The following ZNF483 variants were observed in gnomAD, a reference collection of about 807,000 sequenced individuals.
ZNF483 encodes zinc finger protein HIT-10.
In ZNF483, 9 loss-of-function variants were observed where a neutral mutation model predicts 28.6. The ratio of observed to expected loss-of-function variants is 0.32; its 90% CI spans 0.19 to 0.55. The LOEUF (loss-of-function observed/expected upper bound fraction) is 0.55. Among genes scored for constraint, ZNF483 ranks in the 20% least tolerant of loss-of-function variants. The probability of loss-of-function intolerance (pLI) is 0.93; values close to 1 mark genes in which losing one functional copy is unlikely to be tolerated. For synonymous variants in ZNF483, 322 were observed against 306.2 expected (o/e 1.05, Z -0.54); for missense variants, 675 against 871.7 (o/e 0.77, Z 2.84).
chr9:111,538,394 G>A (rs182128049), intron 5 of ZNF483, among the ~76,000 whole-genome samples: 4 of 151,816 alleles, frequency 2.6e-5, no homozygotes, highest in African/African-American at 7.2e-5. Context: ...GTGTGCCGTG[G>A]TGAGAGGATT....
At position 111,547,012 on chromosome 9, in the gene ZNF483, A is replaced by G. The variant is rs540597731; in HGVS notation, c.*3842A>G. Among the ~76,000 whole-genome samples, 20 of 152,330 alleles carry G rather than the reference A, an allele frequency of 1.3e-4. No homozygotes were observed. The South Asian group carries it at 3.9e-3, about 30-fold the overall frequency. On this transcript the variant is annotated 3_prime_UTR_variant, in exon 6 of 6. Transcript: ENST00000309235. The stretch of plus-strand genomic sequence containing the variant: ...GTTCGGCCGTGTTGTAGCACATATC[A>G]GAATTTAATTCCTTTTTAAGGCTGA...
At position 111,563,513 on chromosome 9, in the gene ZNF483, T is replaced by C. The variant is rs534333846; in HGVS notation, c.722-12852T>C. 4.6e-5 allele frequency: 10 copies of C among 217,140 alleles called. No individual in the cohort carries two copies. In the East Asian group the frequency reaches 8.1e-4, roughly 18 times the overall value. 13.5% of individuals were successfully genotyped at this position (217,140 alleles called of 1,614,324 possible). On this transcript the variant is annotated intron_variant, in intron 5 of 5. Transcript: ENST00000358151. ...TTAAGCAATCTCTTTTTCTTTCTTT[T>C]TTTTTTTTTTGAGACAGAGTCTCGC...
Position 111,542,090 on chromosome 9 carries a change from G to C in ZNF483, c.1155G>C (p.Leu385Phe), listed in dbSNP as rs1460934741. The C allele has an allele frequency of 1.2e-6, 2 of 1,614,054 alleles. No homozygotes were observed. The highest frequency in any genetic ancestry group is 1.7e-6 in the Non-Finnish European group (2 of 1,180,016). Residue 385 changes from leucine to phenylalanine, a missense_variant, in exon 6 of 6, where the codon TTG becomes TTC. Physicochemically the swap from Leu to Phe is conservative, Grantham distance 22 (BLOSUM62 0). Around this residue, in one of 6 missense-constraint regions of ZNF483, gnomAD observed 525 missense variants for 581.8 expected, o/e 0.90. Coordinates refer to ENST00000309235, the MANE Select transcript of ZNF483 (RefSeq NM_133464.5). This position sits in a 1 kb window ranked among gnomAD's most constrained non-coding sequence, Gnocchi z 6.2. ...TEHQKRQKIH[L>F]GDRSQKCSKC... ...ATCAGAAACGTCAGAAGATTCATTTGGGGGATAGGTCCCAAAAATGCAGTA... is the reference window on the plus strand; with the variant it reads ...ATCAGAAACGTCAGAAGATTCATTTCGGGGATAGGTCCCAAAAATGCAGTA...
intron 5 of ZNF483, among the ~76,000 whole-genome samples, chr9:111,534,718 C>CTTTTT (rs67740162): frequency 0.02 from 1,739 of 88,098 alleles, 148 homozygotes; most frequent in African/African-American, 0.068. Flanking sequence ...GTCGTTCTAT[C>CTTTTT]TTTTTTTTTT....
chr9:111,576,659 A>G (rs1011318622), exon 6 of ZNF483: 4 of 463,012 alleles, frequency 8.6e-6, no homozygotes, highest in Non-Finnish European at 1.5e-5. Context: ...ATTATAGTCT[A>G]TGTGAGATAT....
chr9:111,549,113 T>C lies in ZNF483; in HGVS notation c.*5943T>C, dbSNP rs1174347841. Among the ~76,000 whole-genome samples, 1 of 152,202 alleles carries C rather than the reference T, an allele frequency of 6.6e-6. No individual in the cohort carries two copies. Among genetic ancestry groups the C allele is most frequent in the African/African-American group, 2.4e-5 (1 of 41,460 alleles). On this transcript the variant is annotated 3_prime_UTR_variant, in exon 6 of 6. Coordinates refer to ENST00000309235, the MANE Select transcript of ZNF483 (RefSeq NM_133464.5). Reference sequence around the variant, plus strand: ...TCTGTAGAGTGGTTTATTGCTTTATTATCAGTGCAATAGAGAGTCACTGAG... The same window carrying C: ...TCTGTAGAGTGGTTTATTGCTTTATCATCAGTGCAATAGAGAGTCACTGAG...
intron 5 of ZNF483, among the ~76,000 whole-genome samples, chr9:111,538,894 C>G (rs560607827): frequency 1.3e-5 from 2 of 151,914 alleles, no homozygotes; most frequent in African/African-American, 4.8e-5. Context: ...GGTGGATCAC[C>G]TGAGGTCAGG....
intron 3 of ZNF483, among the ~76,000 whole-genome samples, chr9:111,531,853 A>T (rs79408622): frequency 0.03 from 4,630 of 152,158 alleles, 261 homozygotes; most frequent in African/African-American, 0.11. Flanking sequence ...AGCTCATTTT[A>T]AAATATTTTT....
intron 5 of ZNF483, among the ~76,000 whole-genome samples, chr9:111,567,110 G>C (rs1026240804): frequency 3.3e-5 from 5 of 151,754 alleles, no homozygotes; most frequent in Non-Finnish European, 5.9e-5. Flanking sequence ...AAGTCGGGGG[G>C]CGTGGGATAT....
At chr9:111,564,241 A>G (rs746733159) in intron 5 of ZNF483, 108 of 1,046,694 alleles carry the variant, frequency 1.0e-4, no homozygotes, top group Non-Finnish European at 1.2e-4. Flanking sequence ...GCTTGAAGTC[A>G]GTCAATTACA....
intron 5 of ZNF483, among the ~76,000 whole-genome samples, chr9:111,576,120 C>CTG (rs1829042552): frequency 6.6e-6 from 1 of 151,378 alleles, no homozygotes; most frequent in Non-Finnish European, 1.5e-5. Flanking sequence ...TCATCACATA[C>CTG]TGCACTCCAG....
At chr9:111,577,373 T>C (rs897926082) in exon 6 of ZNF483, 4 of 152,212 alleles carry the variant, frequency 2.6e-5, no homozygotes, top group Admixed American at 6.5e-5. Flanking sequence ...GAATGTAAAG[T>C]ACTGTAGCCA....
At position 111,549,605 on chromosome 9, in the gene ZNF483, A is replaced by C; in HGVS notation, c.*6435A>C. The stretch of plus-strand genomic sequence containing the variant: ...GGGTCGATAATCTACAAGCTTTGCT[A>C]AACCTACCTGTAGCTCTTCTGGGGC... On this transcript the variant is annotated 3_prime_UTR_variant, in exon 6 of 6. Coordinates refer to ENST00000309235, the MANE Select transcript of ZNF483 (RefSeq NM_133464.5). The C allele has an allele frequency of 2.3e-6, 2 of 876,854 alleles. No homozygotes were observed. Among genetic ancestry groups the C allele is most frequent in the East Asian group, 5.5e-5 (2 of 36,374 alleles). 54.3% of individuals were successfully genotyped at this position (876,854 alleles called of 1,614,324 possible).
Position 111,527,477 on chromosome 9 carries a change from G to C in ZNF483, c.82G>C (p.Val28Leu). 1 of 1,614,178 alleles carries C rather than the reference G, an allele frequency of 6.2e-7. No homozygotes were observed. Among genetic ancestry groups the C allele is most frequent in the Non-Finnish European group, 8.5e-7 (1 of 1,180,038 alleles). ...QTLASTEQNEVPRVVTSGEQE... is the reference protein window; with the variant it reads ...QTLASTEQNELPRVVTSGEQE... Reference sequence around the variant, plus strand: ...TCTGGCCTCGACTGAACAAAATGAGGTCCCAAGAGTGGTTACTTCTGGGGA... The same window carrying C: ...TCTGGCCTCGACTGAACAAAATGAGCTCCCAAGAGTGGTTACTTCTGGGGA... Residue 28 changes from valine (V) to leucine (L), a missense_variant, in exon 2 of 6, where the codon GTC (valine) becomes CTC (leucine). Physicochemically the swap from Val to Leu is conservative, Grantham distance 32 (BLOSUM62 1). Transcript: ENST00000309235.
At chr9:111,573,843 C>G (rs1322258) in intron 5 of ZNF483, among the ~76,000 whole-genome samples, 5 of 151,894 alleles carry the variant, frequency 3.3e-5, no homozygotes, top group African/African-American at 1.2e-4. Flanking sequence ...GAGTGTGGAG[C>G]GGGAGGGATG....
downstream of ZNF483, among the ~76,000 whole-genome samples, chr9:111,559,977 T>G (rs1828227612): frequency 6.6e-6 from 1 of 152,158 alleles, no homozygotes; most frequent in South Asian, 2.1e-4. Flanking sequence ...GTACTACAAT[T>G]TATTTAACCC....
Position 111,534,351 on chromosome 9 carries a change from T to G in ZNF483, c.719T>G (p.Leu240Arg). 2 of 1,613,642 alleles carry G rather than the reference T, an allele frequency of 1.2e-6. No homozygotes were observed. Among genetic ancestry groups the G allele is most frequent in the Non-Finnish European group, 1.7e-6 (2 of 1,179,550 alleles). The change falls in exon 5 of 6, where the codon CTA (leucine) becomes CGA (arginine). Residue 240 changes from leucine (L) to arginine (R), a missense_variant and splice_region_variant. Coordinates refer to ENST00000309235, the MANE Select transcript of ZNF483 (RefSeq NM_133464.5). ...LLEEVSKSSRLDESALDKIIE... is the reference protein window; with the variant it reads ...LLEEVSKSSRRDESALDKIIE... Reference sequence around the variant, plus strand: ...GAAGAAGTCTCAAAAAGCTCCCGACTAGGTGAGTTGGTGAAAAATACACAA... The same window carrying G: ...GAAGAAGTCTCAAAAAGCTCCCGACGAGGTGAGTTGGTGAAAAATACACAA...
At position 111,543,965 on chromosome 9, in the gene ZNF483, T is replaced by A; in HGVS notation, c.*795T>A. 1.0e-6 allele frequency: 1 copy of A among 985,350 alleles called. No homozygotes were observed. The highest frequency in any genetic ancestry group is 1.2e-6 in the Non-Finnish European group (1 of 829,930). The allele number at this position is 985,350 out of a possible 1,614,324, so 61.0% of individuals were successfully genotyped here. On this transcript the variant is annotated 3_prime_UTR_variant, in exon 6 of 6. Coordinates refer to ENST00000309235, the MANE Select transcript of ZNF483 (RefSeq NM_133464.5). ...GCTTAGTGAGAATGCAGTATACTTT[T>A]TGAAAACTTCGTGCAGGAATCCCTC... is the stretch of plus-strand genomic sequence containing the variant.
chr9:111,577,775 G>A (rs1829123806), exon 6 of ZNF483: 1 of 152,226 alleles, frequency 6.6e-6, no homozygotes, highest in East Asian at 1.9e-4. Context: ...AGCGAGGGAG[G>A]TCGAGGCTGC....
Sources: gnomAD v4.1 joint callset for allele counts (sites outside exome capture counted in the v4.1 genomes callset) on GRCh38, gnomAD v4.1.1 for gene constraint, gnomAD v4.1.1 regional missense constraint, Gnocchi (gnomAD v3.1) non-coding constraint, MANE v1.5 for transcripts, NCBI Gene and HGNC (gene_info 2026-07-23, HGNC 2026-07-21) for gene names.